Variants in DMD observed in about 807,000 individuals in gnomAD.
DMD encodes the protein dystrophin.
In DMD, 63 loss-of-function variants were observed where a neutral mutation model predicts 330.1. The observed-to-expected ratio is 0.19, with a 90% confidence interval of 0.16 to 0.24. The LOEUF (loss-of-function observed/expected upper bound fraction) is 0.24. DMD is among the 10% of genes least tolerant of loss of function. DMD has a pLI of 1.00. For synonymous variants in DMD, 1,223 were observed against 959.8 expected (o/e 1.27, Z -5.07); for missense variants, 3,344 against 2,684.1 (o/e 1.25, Z -5.43).
chrX:31,493,646 C>T (rs1001794417), intron 57 of DMD, among the ~76,000 whole-genome samples: 3 of 111,344 alleles, frequency 2.7e-5, no homozygotes, highest in African/African-American at 6.5e-5. Flanking sequence ...TGCCTTGTCA[C>T]CCTTGTTGAG....
intron 43 of DMD, among the ~76,000 whole-genome samples, chrX:32,232,424 C>T (rs1432249018): frequency 9.0e-6 from 1 of 110,864 alleles, no homozygotes; most frequent in African/African-American, 3.3e-5. Context: ...GATTTCACCC[C>T]CACTCCTACC....
chrX:31,612,128 C>T (rs2077957481), intron 55 of DMD, among the ~76,000 whole-genome samples: 1 of 110,620 alleles, frequency 9.0e-6, no homozygotes, highest in African/African-American at 3.3e-5. Context: ...AACAATAAGC[C>T]CTCATTCTCT....
At chrX:31,721,830 CA>C (rs1482124356) in intron 52 of DMD, among the ~76,000 whole-genome samples, 1 of 104,402 alleles carries the variant, frequency 9.6e-6, no homozygotes, top group Admixed American at 1.1e-4. Flanking sequence ...ATTGATAATA[CA>C]GGTGAAATAT....
chrX:32,615,550 G>T (rs1183420330), intron 11 of DMD, among the ~76,000 whole-genome samples: 1 of 111,520 alleles, frequency 9.0e-6, no homozygotes, highest in Admixed American at 9.6e-5. Flanking sequence ...CATGTTTAAA[G>T]CATTTTTCAA....
At chrX:32,260,233 GT>G (rs2148270339) in intron 43 of DMD, among the ~76,000 whole-genome samples, 1 of 111,243 alleles carries the variant, frequency 9.0e-6, no homozygotes, top group African/African-American at 3.3e-5. Flanking sequence ...TACCTCTGAA[GT>G]TTCAATGTTG....
chrX:33,332,115 T>C (rs764917138), intron 1 of DMD, among the ~76,000 whole-genome samples: 19 of 111,845 alleles, frequency 1.7e-4, no homozygotes, highest in South Asian at 7.4e-4. Context: ...AAAGATAGTG[T>C]GAACAGGTAC....
chrX:31,531,694 G>C (rs1041103907), intron 55 of DMD, among the ~76,000 whole-genome samples: 3 of 108,863 alleles, frequency 2.8e-5, no homozygotes, highest in African/African-American at 1.0e-4. Flanking sequence ...GATCCCATTT[G>C]TCAATTTTGG....
rs377673900 is a variant in DMD at position 32,159,751 on chromosome X, A to T, written c.6438+57165T>A. Among the ~76,000 whole-genome samples, 8 of 111,962 alleles carry T rather than the reference A, an allele frequency of 7.1e-5. No individual in the cohort carries two copies. In the South Asian group the frequency reaches 1.5e-3, roughly 21 times the overall value. Reference sequence around the variant, plus strand: ...GAGCAAAAGCTCAAAATGGGGAAAGAGCGAGAGAGAAACTAAGGGTCTAAA... The same window carrying T: ...GAGCAAAAGCTCAAAATGGGGAAAGTGCGAGAGAGAAACTAAGGGTCTAAA... On this transcript the variant is annotated intron_variant, in intron 44 of 78. Transcript: ENST00000357033.
intron 1 of DMD, among the ~76,000 whole-genome samples, chrX:33,280,320 G>GT (rs2053309516): frequency 8.9e-6 from 1 of 112,001 alleles, no homozygotes; most frequent in Non-Finnish European, 1.9e-5. Context: ...CATAGCAAAA[G>GT]TTTTTTATTT....
chrX:32,330,845 G>A (rs763880400), intron 41 of DMD, among the ~76,000 whole-genome samples: 1 of 111,397 alleles, frequency 9.0e-6, no homozygotes, highest in Admixed American at 9.6e-5. Context: ...CTAAGTGTAT[G>A]GAGTTACCAT....
chrX:32,900,509 A>G (rs1228780878), intron 2 of DMD, among the ~76,000 whole-genome samples: 4 of 110,992 alleles, frequency 3.6e-5, no homozygotes, highest in African/African-American at 9.8e-5. Flanking sequence ...ATGCCCAGAT[A>G]ATTTTTTAAT....
At chrX:32,949,643 T>C (rs774806991) in intron 2 of DMD, among the ~76,000 whole-genome samples, 3 of 111,401 alleles carry the variant, frequency 2.7e-5, no homozygotes, top group Non-Finnish European at 5.6e-5. Flanking sequence ...GTGTTGCCTG[T>C]CCCATTTAAT....
intron 52 of DMD, among the ~76,000 whole-genome samples, chrX:31,723,623 A>AACACACACACAC (rs55718177): frequency 0.033 from 2,590 of 77,607 alleles, 82 homozygotes; most frequent in Middle Eastern, 0.043. Flanking sequence ...TATCCTCCAC[A>AACACACACACAC]ACACACACAC....
intron 60 of DMD, among the ~76,000 whole-genome samples, chrX:31,407,525 G>A (rs1323327104): frequency 1.9e-5 from 2 of 102,980 alleles, no homozygotes; most frequent in Non-Finnish European, 3.9e-5. Context: ...AGGCTGGAGT[G>A]CAGTGGTGCA....
intron 50 of DMD, among the ~76,000 whole-genome samples, chrX:31,778,147 G>C (rs1357880477): frequency 1.8e-5 from 2 of 112,603 alleles, no homozygotes; most frequent in Non-Finnish European, 3.7e-5. Flanking sequence ...AGAATAAGAA[G>C]TGTGTAACTA....
At chrX:31,541,439 T>G (rs1313430595) in intron 55 of DMD, among the ~76,000 whole-genome samples, 3 of 108,738 alleles carry the variant, frequency 2.8e-5, no homozygotes, top group Non-Finnish European at 3.8e-5. Context: ...GCTGCACCCA[T>G]TAACTCGTCA....
chrX:31,266,676 C>T, intron 62 of DMD: 1 of 652,952 alleles, frequency 1.5e-6, no homozygotes, highest in Non-Finnish European at 2.4e-6. Context: ...GGTTCCTAGA[C>T]GCCCAGCCGC....
intron 2 of DMD, among the ~76,000 whole-genome samples, chrX:32,971,060 C>A (rs2092361542): frequency 9.0e-6 from 1 of 110,794 alleles, no homozygotes; most frequent in African/African-American, 3.3e-5. Flanking sequence ...CTCCCGGGTT[C>A]AAGTGATTCT....
At chrX:32,478,582 T>C (rs2041488452) in intron 21 of DMD, among the ~76,000 whole-genome samples, 1 of 111,963 alleles carries the variant, frequency 8.9e-6, no homozygotes, top group Admixed American at 9.5e-5. Flanking sequence ...CAAGGAAGTC[T>C]GAGTATAACT....
Sources: gnomAD v4.1 joint callset for allele counts (sites outside exome capture counted in the v4.1 genomes callset) on GRCh38, gnomAD v4.1.1 for gene constraint, MANE v1.5 for transcripts, NCBI Gene and HGNC (gene_info 2026-07-23, HGNC 2026-07-21) for gene names.